CD163: variants seen among roughly 807,000 people sequenced by gnomAD.
The protein encoded by CD163 is CD163 molecule, also known as scavenger receptor cysteine-rich type 1 protein M130.
Under a neutral mutation model 129.2 loss-of-function variants are expected in CD163, and 64 were observed. The observed-to-expected ratio is 0.50, with a 90% CI of 0.41 to 0.61. CD163 has a LOEUF of 0.61. CD163 is among the 20% of genes least tolerant of loss of function. CD163 has a pLI of 0.00. For missense variants in CD163, 1,061 were observed against 1,377.9 expected, an observed-to-expected ratio of 0.77 and a Z score of 3.64; for synonymous variants, 446 against 478.5, an observed-to-expected ratio of 0.93 and a Z score of 0.89.
At chr12:7,502,253 T>A (rs892097237) in intron 2 of CD163, among the ~76,000 whole-genome samples, 3 of 152,252 alleles carry the variant, frequency 2.0e-5, no homozygotes, top group African/African-American at 7.2e-5. Flanking sequence ...AATCTTTAAG[T>A]AAAATTCATT....
rs961251048 is a variant in CD163 at position 7,501,245 on chromosome 12, A to G, written c.351T>C (p.His117=). Residue 117 remains histidine (H), a synonymous_variant, in exon 3 of 17, where the codon CAT becomes CAC. Coordinates refer to ENST00000432237, the MANE Select transcript of CD163 (RefSeq NM_203416.4). ...SAGSGRIWMD[H]VSCRGNESAL... ...CTGACTCATTCCCACGACAAGAAAC[A>G]TGATCCATCCAAATGCGTCCAGAAC... 2 of 1,614,216 alleles carry G rather than the reference A, an allele frequency of 1.2e-6. No homozygotes were observed. The highest frequency in any genetic ancestry group is 4.5e-5 in the East Asian group (2 of 44,888).
At chr12:7,492,148 A>T (rs996841518) in intron 6 of CD163, among the ~76,000 whole-genome samples, 1 of 152,124 alleles carries the variant, frequency 6.6e-6, no homozygotes, top group Non-Finnish European at 1.5e-5. Flanking sequence ...GTAAAAAGCT[A>T]AAAACCAAGG....
intron 14 of CD163, among the ~76,000 whole-genome samples, chr12:7,482,085 T>G (rs981537538): frequency 9.2e-5 from 14 of 152,306 alleles, no homozygotes; most frequent in African/African-American, 3.4e-4. Context: ...TACATATATA[T>G]CTCTTCCACT....
At chr12:7,481,134 C>T (rs1591994951) in intron 15 of CD163, 27 bp downstream of exon 15, 4 of 1,612,256 alleles carry the variant, frequency 2.5e-6, no homozygotes, top group Non-Finnish European at 3.4e-6. Flanking sequence ...AACCCCTGGG[C>T]AATAGACCCT....
Position 7,483,626 on chromosome 12 carries a change from C to T in CD163, c.2829G>A (p.Glu943=), listed in dbSNP as rs761565641. 9.3e-6 allele frequency: 15 copies of T among 1,613,702 alleles called. No individual in the cohort carries two copies. Among genetic ancestry groups the T allele is most frequent in the Non-Finnish European group, 1.2e-5 (14 of 1,179,902 alleles). ...TCCCCCAGGAACCTCCATGCCAGAT[C>T]TCCACACGTCCAGAACAGGAAGTGG... The part of the protein sequence containing the change: ...EGPTSCSGRV[E]IWHGGSWGTV... The change falls in exon 12 of 17, where the codon GAG becomes GAA. Residue 943 remains glutamate (E), a synonymous_variant. Transcript: ENST00000432237.
At chr12:7,493,284 A>G (rs1949349701) in intron 6 of CD163, among the ~76,000 whole-genome samples, 1 of 152,188 alleles carries the variant, frequency 6.6e-6, no homozygotes, top group African/African-American at 2.4e-5. Context: ...CTGCCCTGAG[A>G]GCAACACTGG....
At position 7,487,220 on chromosome 12, in the gene CD163, G is replaced by A. The variant is rs1035215634; in HGVS notation, c.2050+139C>T. ...GCTCACCCTCTGAAAAGACAAATGA[G>A]GTTAATATTCTGAAGCATGAATTAG... On this transcript the variant is annotated intron_variant, in intron 8 of 16. Transcript: ENST00000432237. This position sits in a 1 kb window ranked among gnomAD's most constrained non-coding sequence, Gnocchi z 5.1. 1 of 1,058,450 alleles carries A rather than the reference G, an allele frequency of 9.4e-7. No homozygotes were observed. The highest frequency in any genetic ancestry group is 1.8e-5 in the South Asian group (1 of 56,632). The allele number at this position is 1,058,450 out of a possible 1,614,324, so 65.6% of individuals were successfully genotyped here. A position where few individuals can be genotyped will look rare whatever the true frequency, so the allele number is the denominator to read the frequency against.
At chr12:7,492,205 A>G (rs967212426) in intron 6 of CD163, among the ~76,000 whole-genome samples, 12 of 152,284 alleles carry the variant, frequency 7.9e-5, no homozygotes, top group South Asian at 6.2e-4. Flanking sequence ...GCAATATAAC[A>G]AAAGAGTTTG....
intron 2 of CD163, 113 bp downstream of exon 2, chr12:7,502,365 G>T: frequency 1.3e-6 from 1 of 761,556 alleles, no homozygotes; most frequent in South Asian, 1.4e-5. Flanking sequence ...TGAATACATG[G>T]AGCATGTCAC....
In CD163 at chr12:7,487,342, G is replaced by A. The variant is rs1486126963; in HGVS notation, c.2050+17C>T. 2 of 1,546,856 alleles carry A rather than the reference G, an allele frequency of 1.3e-6. No homozygotes were observed. Among genetic ancestry groups the A allele is most frequent in the South Asian group, 2.6e-5 (2 of 78,406 alleles). On this transcript the variant is annotated intron_variant, in intron 8 of 16. Coordinates refer to ENST00000432237, the MANE Select transcript of CD163 (RefSeq NM_203416.4). This position sits in a 1 kb window ranked among gnomAD's most constrained non-coding sequence, Gnocchi z 5.1. The stretch of plus-strand genomic sequence containing the variant: ...CTTCTCTTAAGACCCATCACTGGCT[G>A]CCCGTCATCCTCTTACCTGAGCAGA...
In CD163 at chr12:7,499,117, G is replaced by A. The variant is rs1949443592; in HGVS notation, c.529C>T (p.Gln177Ter). The change falls in exon 4 of 17, where the codon CAA becomes TAA. Residue 177 changes from glutamine (Q) to a stop codon, truncating the protein, a stop_gained. Transcript: ENST00000432237. LOFTEE classifies it high-confidence loss of function. ...TCACACACTGTTCCCCACCGTCCTT[G>A]GAATTTGATCTCTATTCTTCCAGAA... ...MCSGRIEIKF[Q>*]GRWGTVCDDN... 1 of 1,614,050 alleles carries A rather than the reference G, an allele frequency of 6.2e-7. No homozygotes were observed. Among genetic ancestry groups the A allele is most frequent in the East Asian group, 2.2e-5 (1 of 44,876 alleles).
rs1344753525 is a variant in CD163, at chr12:7,495,474, T to C, written c.1100-73A>G. ...CTTCCAGAGGATTTTTTTTTGTCTT[T>C]TTTCTTCTCTGATACTGATGCATTG... On this transcript the variant is annotated intron_variant, in intron 5 of 16. Coordinates refer to ENST00000432237, the MANE Select transcript of CD163 (RefSeq NM_203416.4). 4 of 1,347,970 alleles carry C rather than the reference T, an allele frequency of 3.0e-6. No individual in the cohort carries two copies. The African/African-American group carries it at 5.9e-5, about 20-fold the overall frequency. The allele number at this position is 1,347,970 out of a possible 1,614,324, so 83.5% of individuals were successfully genotyped here.
chr12:7,487,764 G>A lies in CD163; in HGVS notation c.1735+9C>T. 6.2e-7 allele frequency: 1 copy of A among 1,613,858 alleles called. No homozygotes were observed. Among genetic ancestry groups the A allele is most frequent in the Non-Finnish European group, 8.5e-7 (1 of 1,180,004 alleles). ...TGAGAACCAATTAAAGATGTTTTCT[G>A]GGTCTTACTTGAGCAGACTACTCCA... is the stretch of plus-strand genomic sequence containing the variant. On this transcript the variant is annotated intron_variant, in intron 7 of 16. Transcript: ENST00000432237. The surrounding 1 kb of genome is among the most constrained non-coding windows in gnomAD (Gnocchi z 5.1).
intron 16 of CD163, among the ~76,000 whole-genome samples, chr12:7,476,122 T>C (rs1949083570): frequency 6.6e-6 from 1 of 152,166 alleles, no homozygotes; most frequent in South Asian, 2.1e-4. Context: ...TCCATGCTCA[T>C]AGATAGGAAG....
rs777395290 is a variant in CD163, at chr12:7,481,199, C to T, written c.3305G>A (p.Cys1102Tyr). 32 of 1,613,902 alleles carry T rather than the reference C, an allele frequency of 2.0e-5. No individual in the cohort carries two copies. Among genetic ancestry groups the T allele is most frequent in the Non-Finnish European group, 2.6e-5 (31 of 1,179,860 alleles). The change falls in exon 15 of 17, where the codon TGC becomes TAC. Residue 1102 changes from cysteine (C) to tyrosine (Y), a missense_variant. Transcript: ENST00000432237. ...HQIQYREMNS[C>Y]LNADDLDLMN... ...TAGGTCCAGATCATCTGCATTCAGG[C>T]AAGAATTCATCTCCCGGTATTGAAT...
In CD163 at chr12:7,487,009, T is replaced by A. The variant is rs1347782448; in HGVS notation, c.2051-23A>T. On this transcript the variant is annotated intron_variant, in intron 8 of 16. Coordinates refer to ENST00000432237, the MANE Select transcript of CD163 (RefSeq NM_203416.4). The surrounding 1 kb of genome is among the most constrained non-coding windows in gnomAD (Gnocchi z 5.1). ...TTCCTGCAAACACCAAGGTACTCAG[T>A]CATACAAGACACAAAAGGTTAGGGG... is the stretch of plus-strand genomic sequence containing the variant. 8.2e-6 allele frequency: 13 copies of A among 1,585,696 alleles called. No individual in the cohort carries two copies. The highest frequency in any genetic ancestry group is 1.7e-5 in the Admixed American group (1 of 59,654).
chr12:7,484,516 G>T (rs1949220553), intron 11 of CD163, among the ~76,000 whole-genome samples: 1 of 151,638 alleles, frequency 6.6e-6, no homozygotes, highest in Non-Finnish European at 1.5e-5. Flanking sequence ...GCTCATGCCT[G>T]TAATCCCAGC....
chr12:7,499,221 T>C (rs1173418785), intron 3 of CD163, 33 bp from the exon 4 acceptor site: 2 of 1,546,234 alleles, frequency 1.3e-6, no homozygotes, highest in East Asian at 4.5e-5. Flanking sequence ...GTTCAGAAGT[T>C]ACATTCATTT....
Position 7,486,650 on chromosome 12 carries a change from A to C in CD163, c.2307T>G (p.Thr769=). The C allele has an allele frequency of 6.2e-7, 1 of 1,614,166 alleles. No homozygotes were observed. The highest frequency in any genetic ancestry group is 8.5e-7 in the Non-Finnish European group (1 of 1,180,018). The change falls in exon 10 of 17, where the codon ACT becomes ACG. Residue 769 remains threonine (T), a synonymous_variant. Coordinates refer to ENST00000432237, the MANE Select transcript of CD163 (RefSeq NM_203416.4). ...QLGCGEAINA[T]GSAHFGEGTG... is the part of the protein sequence containing the mutation. ...TTCCTTCCCCAAAATGAGCAGAACC[A>C]GTGGCATTAATGGCCTCTCCACAGC...
Sources: allele counts gnomAD v4.1 joint callset (sites outside exome capture counted in the v4.1 genomes callset), GRCh38; gene constraint gnomAD v4.1.1; non-coding constraint Gnocchi (gnomAD v3.1); transcripts MANE v1.5; gene names NCBI Gene and HGNC (gene_info 2026-07-23, HGNC 2026-07-21).